The following CNTNAP5 variants were observed in gnomAD, a reference collection of about 807,000 sequenced individuals.
CNTNAP5 encodes contactin associated protein family member 5, also known as contactin-associated protein-like 5.
In CNTNAP5, 72 loss-of-function variants were observed where a neutral mutation model predicts 150.2. The ratio of observed to expected loss-of-function variants is 0.48; its 90% confidence interval spans 0.40 to 0.58. CNTNAP5 has a LOEUF of 0.58. Ranked by LOEUF, CNTNAP5 falls within the 20% of genes least tolerant of loss-of-function variation. The pLI, the probability that CNTNAP5 is intolerant of heterozygous loss-of-function variation, is 0.00. For missense variants in CNTNAP5, 1,636 were observed against 1,626.2 expected (o/e 1.01, Z -0.10); for synonymous variants, 672 against 619.8 (o/e 1.08, Z -1.25).
At chr2:124,260,054 T>C (rs573637632) in intron 3 of CNTNAP5, among the ~76,000 whole-genome samples, 145 of 152,256 alleles carry the variant, frequency 9.5e-4, no homozygotes, top group African/African-American at 3.2e-3. Context: ...GAGCCCGCAT[T>C]GCCAAGTCAA....
chr2:124,825,711 G>A (rs1682579112), intron 19 of CNTNAP5, among the ~76,000 whole-genome samples: 1 of 152,116 alleles, frequency 6.6e-6, no homozygotes, highest in African/African-American at 2.4e-5. Flanking sequence ...TTTTTATTCT[G>A]GAATCTGGGG....
At chr2:124,365,802 T>C (rs1228258989) in intron 3 of CNTNAP5, among the ~76,000 whole-genome samples, 1 of 152,246 alleles carries the variant, frequency 6.6e-6, no homozygotes, top group African/African-American at 2.4e-5. Context: ...CATAACAGTA[T>C]GTTAATAAGT....
chr2:124,158,004 C>T (rs1425073756), intron 1 of CNTNAP5, among the ~76,000 whole-genome samples: 1 of 152,158 alleles, frequency 6.6e-6, no homozygotes, highest in Non-Finnish European at 1.5e-5. Context: ...GTTCATTTTG[C>T]AGCTTTGAAA....
chr2:124,126,815 A>G (rs1054125080), intron 1 of CNTNAP5, among the ~76,000 whole-genome samples: 1 of 152,204 alleles, frequency 6.6e-6, no homozygotes, highest in African/African-American at 2.4e-5. Context: ...AAACCACATG[A>G]TTGTCTCAAT....
chr2:124,493,402 G>A (rs1257387246), intron 7 of CNTNAP5, among the ~76,000 whole-genome samples: 1 of 151,832 alleles, frequency 6.6e-6, no homozygotes. Flanking sequence ...GTACAGTGGT[G>A]TGATCTCAGC....
intron 10 of CNTNAP5, among the ~76,000 whole-genome samples, chr2:124,533,559 C>T (rs116783065): frequency 6.6e-6 from 1 of 152,116 alleles, no homozygotes; most frequent in African/African-American, 2.4e-5. Context: ...CCACCTAGGG[C>T]CTCAAGCAGC....
At chr2:124,331,028 C>G (rs192266309) in intron 3 of CNTNAP5, among the ~76,000 whole-genome samples, 1 of 151,962 alleles carries the variant, frequency 6.6e-6, no homozygotes, top group Non-Finnish European at 1.5e-5. Flanking sequence ...CTTACCAGGT[C>G]CAATAATATC....
At chr2:124,530,923 G>A (rs909934248) in intron 10 of CNTNAP5, among the ~76,000 whole-genome samples, 1 of 152,100 alleles carries the variant, frequency 6.6e-6, no homozygotes, top group African/African-American at 2.4e-5. Flanking sequence ...GTCTAAGCCA[G>A]CGGTCCCCAA....
chr2:124,063,546 A>G (rs1175904306), intron 1 of CNTNAP5, among the ~76,000 whole-genome samples: 5 of 152,174 alleles, frequency 3.3e-5, no homozygotes. Context: ...TATAAGGAGC[A>G]TTAAATGACA....
chr2:124,322,472 A>G (rs1689124496), intron 3 of CNTNAP5, among the ~76,000 whole-genome samples: 1 of 152,196 alleles, frequency 6.6e-6, no homozygotes, highest in African/African-American at 2.4e-5. Context: ...CTACAGTCAA[A>G]TACCAGGTAG....
At chr2:124,528,877 A>G (rs952026344) in intron 10 of CNTNAP5, among the ~76,000 whole-genome samples, 1 of 152,186 alleles carries the variant, frequency 6.6e-6, no homozygotes, top group Admixed American at 6.5e-5. Context: ...CAGGAGAGGA[A>G]TAATGAGTAG....
chr2:124,197,641 T>C (rs1472606524), intron 1 of CNTNAP5, among the ~76,000 whole-genome samples: 3 of 152,160 alleles, frequency 2.0e-5, no homozygotes, highest in African/African-American at 7.2e-5. Context: ...TTTAACTTTA[T>C]TGAAATTATC....
intron 4 of CNTNAP5, among the ~76,000 whole-genome samples, chr2:124,425,710 A>T (rs1034524061): frequency 1.3e-5 from 2 of 152,052 alleles, no homozygotes; most frequent in Admixed American, 1.3e-4. Flanking sequence ...AGTTGTAGGG[A>T]TCACCATAAT....
At chr2:124,759,999 G>A (rs1202616853) in intron 14 of CNTNAP5, among the ~76,000 whole-genome samples, 2 of 121,216 alleles carry the variant, frequency 1.6e-5, no homozygotes, top group South Asian at 2.8e-4. Context: ...AAGCAAAAGA[G>A]AAATAATTGC....
chr2:124,706,217 TG>T (rs1264740818), intron 13 of CNTNAP5, among the ~76,000 whole-genome samples: 1 of 151,978 alleles, frequency 6.6e-6, no homozygotes, highest in African/African-American at 2.4e-5. Flanking sequence ...TTGTAAGGCT[TG>T]GGGTCAATGT....
At chr2:124,703,661 C>A (rs1261943062) in intron 13 of CNTNAP5, among the ~76,000 whole-genome samples, 2 of 152,122 alleles carry the variant, frequency 1.3e-5, no homozygotes, top group Non-Finnish European at 2.9e-5. Flanking sequence ...AACCATTTGG[C>A]TTCTTCCCTC....
At chr2:124,566,586 C>T (rs1696029773) in intron 11 of CNTNAP5, among the ~76,000 whole-genome samples, 3 of 152,154 alleles carry the variant, frequency 2.0e-5, no homozygotes, top group African/African-American at 4.8e-5. Flanking sequence ...TGCTCAATGC[C>T]TACACTGTAG....
intron 8 of CNTNAP5, among the ~76,000 whole-genome samples, chr2:124,516,231 T>A (rs569675123): frequency 1.4e-3 from 213 of 152,332 alleles, no homozygotes; most frequent in African/African-American, 5.0e-3. Context: ...TATACTCTTC[T>A]ACTATGTAAC....
chr2:124,475,842 C>T (rs1006435010), intron 7 of CNTNAP5, among the ~76,000 whole-genome samples: 2 of 152,018 alleles, frequency 1.3e-5, no homozygotes, highest in Non-Finnish European at 2.9e-5. Flanking sequence ...TTCATGCTTT[C>T]AATTTCTGTC....
Sources: allele counts gnomAD v4.1 joint callset (sites outside exome capture counted in the v4.1 genomes callset), GRCh38; gene constraint gnomAD v4.1.1; transcripts MANE v1.5; gene names NCBI Gene and HGNC (gene_info 2026-07-23, HGNC 2026-07-21).